Variants in MYOF observed in about 807,000 individuals in gnomAD.
MYOF encodes the protein myoferlin.
A neutral mutation model predicts 284.2 loss-of-function variants in MYOF; 244 were observed. The ratio of observed to expected loss-of-function variants is 0.86; its 90% CI spans 0.77 to 0.95. The LOEUF (loss-of-function observed/expected upper bound fraction) is 0.95, where lower values mean the gene tolerates loss of function less well. MYOF is among the 40% of genes least tolerant of loss of function. The pLI is 0.00. For synonymous variants in MYOF, 904 were observed against 919.7 expected (o/e 0.98, Z 0.31); for missense variants, 2,496 against 2,560.6 (o/e 0.97, Z 0.54).
At chr10:93,399,329 G>C in intron 13 of MYOF, 63 bp downstream of exon 13, 2 of 1,290,234 alleles carry the variant, frequency 1.6e-6, no homozygotes, top group South Asian at 1.3e-5. Context: ...TTCACTCCAA[G>C]GAAAGCACAG....
In MYOF at chr10:93,457,077, A is replaced by G. The variant is rs2056762312; in HGVS notation, c.89-140T>C. On this transcript the variant is annotated intron_variant, in intron 1 of 53. Coordinates refer to ENST00000359263, the MANE Select transcript of MYOF (RefSeq NM_013451.4). The stretch of plus-strand genomic sequence containing the variant: ...CATTCATCGCTTAGGATGGGTGTTT[A>G]CCTGAATCACAGTTTTCCAAATGAA... 1.1e-5 allele frequency: 7 copies of G among 615,044 alleles called. No individual in the cohort carries two copies. In the South Asian group the frequency reaches 1.6e-4, roughly 14 times the overall value. 38.1% of individuals were successfully genotyped at this position (615,044 alleles called of 1,614,324 possible). A position where few individuals can be genotyped will look rare whatever the true frequency, so the allele number is the denominator to read the frequency against.
intron 5 of MYOF, 151 bp from the exon 6 acceptor site, chr10:93,409,890 T>G (rs1182931649): frequency 1.1e-6 from 1 of 935,208 alleles, no homozygotes; most frequent in Non-Finnish European, 1.6e-6. Flanking sequence ...GACACTGACT[T>G]GGGACTTCTT....
At chr10:93,403,886 G>T in intron 9 of MYOF, 137 bp downstream of exon 9, 2 of 875,978 alleles carry the variant, frequency 2.3e-6, no homozygotes, top group Admixed American at 2.1e-5. Flanking sequence ...GCCCCAAGCA[G>T]CCTTCAGCAA....
intron 50 of MYOF, among the ~76,000 whole-genome samples, chr10:93,316,009 C>T (rs1243713603): frequency 1.3e-5 from 2 of 151,784 alleles, no homozygotes; most frequent in Non-Finnish European, 2.9e-5. Context: ...CCTGTAGTCC[C>T]AGCTACTCGG....
Position 93,366,455 on chromosome 10 carries a change from T to C in MYOF, c.2690A>G (p.Glu897Gly). 1 of 1,613,990 alleles carries C rather than the reference T, an allele frequency of 6.2e-7. No homozygotes were observed. The change falls in exon 26 of 54, where the codon GAA (glutamate) becomes GGA (glycine). Residue 897 changes from glutamate (E) to glycine (G), a missense_variant. By Grantham distance (98) the Glu-to-Gly change is moderately conservative. This residue lies in a region of MYOF where 2,436 missense variants were observed against 2,480.7 expected (regional missense o/e 0.98). Coordinates refer to ENST00000359263, the MANE Select transcript of MYOF (RefSeq NM_013451.4). ...DVTGKIKLKR[E>G]FFLPPKGWEW... The stretch of plus-strand genomic sequence containing the variant: ...CCAGCCTTTTGGAGGCAGAAAAAAT[T>C]CCCTCTTGAGTTTTATTTTTCCTGT...
In MYOF at chr10:93,362,505, G is replaced by A. The variant is rs1389021751; in HGVS notation, c.2869-948C>T. On this transcript the variant is annotated intron_variant, in intron 27 of 53. Coordinates refer to ENST00000359263, the MANE Select transcript of MYOF (RefSeq NM_013451.4). ...AGCGATCCACCCACCTCAGCCTCCC[G>A]AAGTGCTGGGATTACAGGTGTGACC... Among the ~76,000 whole-genome samples the A allele has an allele frequency of 2.0e-5, 3 of 151,848 alleles. No individual in the cohort carries two copies. The South Asian group carries it at 6.3e-4, about 32-fold the overall frequency.
At chr10:93,378,194 T>C (rs787623) in intron 21 of MYOF, among the ~76,000 whole-genome samples, 18 of 151,980 alleles carry the variant, frequency 1.2e-4, no homozygotes, top group South Asian at 2.1e-4. Context: ...AACAGAGAAG[T>C]TGAGGAAGAG....
chr10:93,366,841 G>A (rs1373849942), intron 25 of MYOF, among the ~76,000 whole-genome samples: 4 of 152,140 alleles, frequency 2.6e-5, no homozygotes, highest in African/African-American at 7.2e-5. Flanking sequence ...GATTGCGAAC[G>A]TGCTTTGTAA....
chr10:93,380,874 A>G (rs1278530496), intron 20 of MYOF, among the ~76,000 whole-genome samples: 1 of 152,234 alleles, frequency 6.6e-6, no homozygotes, highest in Non-Finnish European at 1.5e-5. Flanking sequence ...TACTCAGCCT[A>G]AGAAAGATTT....
chr10:93,478,923 C>G (rs17108795), intron 1 of MYOF, among the ~76,000 whole-genome samples: 7,931 of 151,726 alleles, frequency 0.052, 490 homozygotes, highest in East Asian at 0.23. Context: ...AGCACAATCC[C>G]AAGTACAGTG....
chr10:93,377,312 GA>G lies in MYOF; in HGVS notation c.2108+10del. 1 of 1,599,730 alleles carries G rather than the reference GA, an allele frequency of 6.3e-7. No homozygotes were observed. The highest frequency in any genetic ancestry group is 2.2e-5 in the East Asian group (1 of 44,826). Reference sequence around the variant, plus strand: ...GATGAAAATTCTGAGATAGGCGTAAGATCACTGTACCTCGTGTCTTCTATAA... The same window carrying G: ...GATGAAAATTCTGAGATAGGCGTAAGTCACTGTACCTCGTGTCTTCTATAA... On this transcript the variant is annotated intron_variant, in intron 22 of 53. Transcript: ENST00000359263.
chr10:93,332,226 A>AT (rs10657534), intron 43 of MYOF, among the ~76,000 whole-genome samples: 33,746 of 147,488 alleles, frequency 0.23, 4,910 homozygotes, highest in Non-Finnish European at 0.34. Flanking sequence ...TCATTCTTTT[A>AT]TTTTTTTTTT....
intron 38 of MYOF, 103 bp downstream of exon 38, chr10:93,343,753 A>G: frequency 8.2e-7 from 1 of 1,212,346 alleles, no homozygotes; most frequent in African/African-American, 1.5e-5. Flanking sequence ...GCTGATGATT[A>G]TAATTGCAAC....
In MYOF at chr10:93,457,836, G is replaced by A. The variant is rs190849119; in HGVS notation, c.89-899C>T. 7.3e-4 allele frequency among the ~76,000 whole-genome samples: 109 copies of A among 150,284 alleles called. 1 individual carries two copies. Among genetic ancestry groups the A allele is most frequent in the Admixed American group, 6.6e-3 (99 of 15,006 alleles). ...GCAACCTCTGCCTCCCAGCTCAAGA[G>A]ATCCTCCCACCTCGGCGCCCCATGT... On this transcript the variant is annotated intron_variant, in intron 1 of 53. Coordinates refer to ENST00000359263, the MANE Select transcript of MYOF (RefSeq NM_013451.4).
chr10:93,479,938 T>C (rs2134419621), intron 1 of MYOF, among the ~76,000 whole-genome samples: 1 of 152,348 alleles, frequency 6.6e-6, no homozygotes, highest in South Asian at 2.1e-4. Context: ...CTTAGATATA[T>C]TTTTCATCAT....
chr10:93,481,995 C>T, intron 1 of MYOF, 112 bp downstream of exon 1: 4 of 1,019,800 alleles, frequency 3.9e-6, no homozygotes, highest in Non-Finnish European at 6.0e-6. Context: ...ACAAACGCTG[C>T]TGGAGAGACT....
intron 3 of MYOF, among the ~76,000 whole-genome samples, chr10:93,443,318 G>A (rs763975020): frequency 2.6e-5 from 4 of 152,224 alleles, no homozygotes; most frequent in Non-Finnish European, 4.4e-5. Context: ...CCCGGTTGGC[G>A]GGAACATAAA....
rs747640764 is a variant in MYOF, at chr10:93,343,928, G to A, written c.4254C>T (p.Ser1418=). ...KEDIVPQLKA[S]LLSAPPCRDI... is the part of the protein sequence containing the mutation. ...CCCGGCATGGTGGGGCAGACAGAAG[G>A]GAGGCTGCAAGACAAATACTTTCTT... is the stretch of plus-strand genomic sequence containing the variant. Residue 1418 remains serine, a synonymous_variant, in exon 38 of 54, where the codon TCC becomes TCT. Transcript: ENST00000359263. 2.4e-5 allele frequency: 38 copies of A among 1,613,994 alleles called. No homozygotes were observed. Among genetic ancestry groups the A allele is most frequent in the Non-Finnish European group, 3.1e-5 (36 of 1,180,002 alleles).
intron 16 of MYOF, among the ~76,000 whole-genome samples, chr10:93,394,460 T>A (rs1846878006): frequency 2.0e-5 from 2 of 102,148 alleles, no homozygotes; most frequent in Non-Finnish European, 4.2e-5. Context: ...TTTTTTTTTT[T>A]TTTTTTTTTT....
Sources: gnomAD v4.1 joint callset for allele counts (sites outside exome capture counted in the v4.1 genomes callset) on GRCh38, gnomAD v4.1.1 for gene constraint, gnomAD v4.1.1 regional missense constraint, MANE v1.5 for transcripts, NCBI Gene and HGNC (gene_info 2026-07-23, HGNC 2026-07-21) for gene names.